AGAP1: variants seen among roughly 807,000 people sequenced by gnomAD.
The protein encoded by AGAP1 is arf-GAP with GTPase, ANK repeat and PH domain-containing protein 1.
In AGAP1, 29 loss-of-function variants were observed where a neutral mutation model predicts 105.3. The observed-to-expected ratio is 0.28, with a 90% CI of 0.21 to 0.38. AGAP1 has a LOEUF of 0.38. AGAP1 is among the 10% of genes least tolerant of loss of function. The pLI, the probability that AGAP1 is intolerant of heterozygous loss-of-function variation, is 1.00. For missense variants in AGAP1, 998 were observed against 1,165.1 expected, an observed-to-expected ratio of 0.86 and a Z score of 2.09; for synonymous variants, 509 against 485.9, an observed-to-expected ratio of 1.05 and a Z score of -0.63.
At chr2:235,676,975 A>G (rs1391767990) in intron 1 of AGAP1, among the ~76,000 whole-genome samples, 1 of 152,198 alleles carries the variant, frequency 6.6e-6, no homozygotes, top group Admixed American at 6.5e-5. Context: ...TGAAAGAAGT[A>G]CCATCTGCCC....
At chr2:235,923,362 T>C (rs2052279209) in intron 11 of AGAP1, among the ~76,000 whole-genome samples, 1 of 152,132 alleles carries the variant, frequency 6.6e-6, no homozygotes, top group Non-Finnish European at 1.5e-5. Flanking sequence ...TCCAATGACA[T>C]TTTCTAGGTT....
chr2:235,549,752 T>C lies in AGAP1; in HGVS notation c.163+54903T>C, dbSNP rs1480592119. ...TGCTCTTAGCAGTTCGCGTTCTATA[T>C]AGAACTGTTTACACCTCTCAGGATT... On this transcript the variant is annotated intron_variant, in intron 1 of 17. Coordinates refer to ENST00000304032, the MANE Select transcript of AGAP1 (RefSeq NM_001037131.3). This position sits in a 1 kb window ranked among gnomAD's most constrained non-coding sequence, Gnocchi z 4.2. 2.0e-5 allele frequency among the ~76,000 whole-genome samples: 3 copies of C among 152,218 alleles called. No homozygotes were observed. Among genetic ancestry groups the C allele is most frequent in the Non-Finnish European group, 2.9e-5 (2 of 68,048 alleles).
chr2:236,041,224 G>A (rs895600748), intron 15 of AGAP1, among the ~76,000 whole-genome samples: 1 of 151,590 alleles, frequency 6.6e-6, no homozygotes, highest in Non-Finnish European at 1.5e-5. Flanking sequence ...AACTAGGCGT[G>A]GCAGCTGGCT....
At chr2:235,762,110 C>CAA (rs200107455) in intron 6 of AGAP1, among the ~76,000 whole-genome samples, 97 of 100,972 alleles carry the variant, frequency 9.6e-4, no homozygotes, top group African/African-American at 2.7e-3. Flanking sequence ...AACTCCGTCT[C>CAA]AAAAAAAAAA....
intron 1 of AGAP1, among the ~76,000 whole-genome samples, chr2:235,707,194 C>T (rs1252606438): frequency 6.6e-6 from 1 of 152,224 alleles, no homozygotes; most frequent in East Asian, 1.9e-4. Flanking sequence ...AAGTCCGCCT[C>T]CCAGGCATCT....
At chr2:235,969,821 G>A (rs867854364) in intron 13 of AGAP1, among the ~76,000 whole-genome samples, 4 of 152,156 alleles carry the variant, frequency 2.6e-5, no homozygotes, top group South Asian at 2.1e-4. Context: ...GCCAGCCTCC[G>A]CAGAAGGGTT....
chr2:235,542,221 G>GT lies in AGAP1; in HGVS notation c.163+47372_163+47373insT, dbSNP rs541325607. On this transcript the variant is annotated intron_variant, in intron 1 of 17. Coordinates refer to ENST00000304032, the MANE Select transcript of AGAP1 (RefSeq NM_001037131.3). ...TGCAGTTCAGACAGTGGGTCCCGGG[G>GT]GGGGGCCAGTTGTCAGAGAGCCCGG... Among the ~76,000 whole-genome samples the GT allele has an allele frequency of 2.4e-3, 348 of 146,060 alleles. 4 individuals are homozygous for GT. Among genetic ancestry groups the GT allele is most frequent in the African/African-American group, 7.7e-3 (274 of 35,780 alleles).
In AGAP1 at chr2:235,724,478, G is replaced by A. The variant is rs1309977238; in HGVS notation, c.310+6834G>A. ...TAGAATATGATAGCTGAGGTAGCTG[G>A]AAGAGTATGGTCAAGGAGCTCAAGG... On this transcript the variant is annotated intron_variant, in intron 3 of 17. Coordinates refer to ENST00000304032, the MANE Select transcript of AGAP1 (RefSeq NM_001037131.3). This position sits in a 1 kb window ranked among gnomAD's most constrained non-coding sequence, Gnocchi z 4.9. Among the ~76,000 whole-genome samples, 1 of 152,190 alleles carries A rather than the reference G, an allele frequency of 6.6e-6. No individual in the cohort carries two copies. The highest frequency in any genetic ancestry group is 1.9e-4 in the East Asian group (1 of 5,170).
At position 235,864,673 on chromosome 2, in the gene AGAP1, G is replaced by A. The variant is rs1220566253; in HGVS notation, c.1051-18672G>A. On this transcript the variant is annotated intron_variant, in intron 9 of 17. Transcript: ENST00000304032. The surrounding 1 kb of genome is among the most constrained non-coding windows in gnomAD (Gnocchi z 5.0). ...GAGTGAAAGGAAAGAAAAACGAGGC[G>A]ATCAAGAGATAATATTAACTAGAAA... is the stretch of plus-strand genomic sequence containing the variant. Among the ~76,000 whole-genome samples, 2 of 152,134 alleles carry A rather than the reference G, an allele frequency of 1.3e-5. No homozygotes were observed. The highest frequency in any genetic ancestry group is 2.4e-5 in the African/African-American group (1 of 41,440).
chr2:235,707,205 T>G (rs1575183247), intron 1 of AGAP1, among the ~76,000 whole-genome samples: 1 of 152,324 alleles, frequency 6.6e-6, no homozygotes, highest in South Asian at 2.1e-4. Flanking sequence ...CCAGGCATCT[T>G]CTTCCTCAGG....
In AGAP1 at chr2:236,101,495, C is replaced by G. The variant is rs1576306246; in HGVS notation, c.2115-18697C>G. Among the ~76,000 whole-genome samples the G allele has an allele frequency of 6.6e-6, 1 of 152,160 alleles. No homozygotes were observed. The highest frequency in any genetic ancestry group is 2.4e-5 in the African/African-American group (1 of 41,436). On this transcript the variant is annotated intron_variant, in intron 16 of 17. Transcript: ENST00000304032. This position sits in a 1 kb window ranked among gnomAD's most constrained non-coding sequence, Gnocchi z 4.9. Reference sequence around the variant, plus strand: ...AGAAGCCACCGGCCTGAACTGGGCCCTCTGCAGTCACTCCGGCCTGTCCCC... The same window carrying G: ...AGAAGCCACCGGCCTGAACTGGGCCGTCTGCAGTCACTCCGGCCTGTCCCC...
At position 236,105,739 on chromosome 2, in the gene AGAP1, GC is replaced by G. The variant is rs1194885988; in HGVS notation, c.2115-14450del. 1.3e-5 allele frequency among the ~76,000 whole-genome samples: 2 copies of G among 151,774 alleles called. No homozygotes were observed. Among genetic ancestry groups the G allele is most frequent in the Non-Finnish European group, 2.9e-5 (2 of 67,908 alleles). On this transcript the variant is annotated intron_variant, in intron 16 of 17. Coordinates refer to ENST00000304032, the MANE Select transcript of AGAP1 (RefSeq NM_001037131.3). This position sits in a 1 kb window ranked among gnomAD's most constrained non-coding sequence, Gnocchi z 4.2. ...CTCCCGAGTAGCTGGGACTACAGGCGCCCGCCACCATGCCCGGCTGATTTTG... is the reference window on the plus strand; with the variant it reads ...CTCCCGAGTAGCTGGGACTACAGGCGCCGCCACCATGCCCGGCTGATTTTG...
At chr2:235,595,337 C>T (rs868142947) in intron 1 of AGAP1, among the ~76,000 whole-genome samples, 30 of 152,244 alleles carry the variant, frequency 2.0e-4, no homozygotes, top group African/African-American at 7.0e-4. Context: ...GGCCGGAAAC[C>T]GTGAAACTGA....
rs1436249008 is a variant in AGAP1 at position 235,874,847 on chromosome 2, A to C, written c.1051-8498A>C. Among the ~76,000 whole-genome samples the C allele has an allele frequency of 6.6e-6, 1 of 152,236 alleles. No homozygotes were observed. The highest frequency in any genetic ancestry group is 1.5e-5 in the Non-Finnish European group (1 of 68,044). ...TGTGCGTGTGCTCTTGCACACGCTC[A>C]TGGATCAAGGCAGAGGATGAGTTTA... On this transcript the variant is annotated intron_variant, in intron 9 of 17. Transcript: ENST00000304032. The surrounding 1 kb of genome is among the most constrained non-coding windows in gnomAD (Gnocchi z 4.5).
Position 235,872,773 on chromosome 2 carries a change from C to T in AGAP1, c.1051-10572C>T, listed in dbSNP as rs1031091996. Among the ~76,000 whole-genome samples, 3 of 152,196 alleles carry T rather than the reference C, an allele frequency of 2.0e-5. No individual in the cohort carries two copies. Among genetic ancestry groups the T allele is most frequent in the Admixed American group, 6.5e-5 (1 of 15,280 alleles). On this transcript the variant is annotated intron_variant, in intron 9 of 17. Coordinates refer to ENST00000304032, the MANE Select transcript of AGAP1 (RefSeq NM_001037131.3). The surrounding 1 kb of genome is among the most constrained non-coding windows in gnomAD (Gnocchi z 4.5). ...AGGAAAGCGACGGGCCCCCTGTCTT[C>T]CCCGATTGGTTTCCATTTAGCTGCT...
intron 1 of AGAP1, among the ~76,000 whole-genome samples, chr2:235,650,668 A>C (rs1229252207): frequency 1.3e-5 from 2 of 152,208 alleles, no homozygotes; most frequent in African/African-American, 2.4e-5. Context: ...AACCTTGGCA[A>C]ATAGGGCACA....
rs1236605282 is a variant in AGAP1, at chr2:235,831,967, G to T, written c.1050+24636G>T. Among the ~76,000 whole-genome samples, 4 of 152,194 alleles carry T rather than the reference G, an allele frequency of 2.6e-5. No homozygotes were observed. The East Asian group carries it at 7.7e-4, about 29-fold the overall frequency. On this transcript the variant is annotated intron_variant, in intron 9 of 17. Coordinates refer to ENST00000304032, the MANE Select transcript of AGAP1 (RefSeq NM_001037131.3). ...GTTTCTGTTTCTCCACATCCTGTCA[G>T]CACTTGGTGTTGTCAGTGTTAGACT... is the stretch of plus-strand genomic sequence containing the variant.
At chr2:235,511,999 CGTGT>C (rs748510978) in intron 1 of AGAP1, among the ~76,000 whole-genome samples, 1 of 133,712 alleles carries the variant, frequency 7.5e-6, no homozygotes. Flanking sequence ...TGTGTGAATG[CGTGT>C]GTGACTGTGT....
At chr2:236,093,081 T>TA (rs2059105062) in intron 16 of AGAP1, among the ~76,000 whole-genome samples, 1 of 152,208 alleles carries the variant, frequency 6.6e-6, no homozygotes, top group South Asian at 2.1e-4. Context: ...CTCTTCTTTA[T>TA]AAAAAATGCC....
Sources: gnomAD v4.1 joint callset for allele counts (sites outside exome capture counted in the v4.1 genomes callset) on GRCh38, gnomAD v4.1.1 for gene constraint, Gnocchi (gnomAD v3.1) non-coding constraint, MANE v1.5 for transcripts, NCBI Gene and HGNC (gene_info 2026-07-23, HGNC 2026-07-21) for gene names.